PPP2R2A: variants seen among roughly 807,000 people sequenced by gnomAD.
The protein encoded by PPP2R2A is serine/threonine-protein phosphatase 2A 55 kDa regulatory subunit B alpha isoform.
A neutral mutation model predicts 53.2 loss-of-function variants in PPP2R2A; 9 were observed. That is an observed-to-expected ratio of 0.17 (90% CI 0.10 to 0.30). PPP2R2A has a LOEUF of 0.30. Ranked by LOEUF, PPP2R2A falls within the 10% of genes least tolerant of loss-of-function variation. The probability of loss-of-function intolerance (pLI) is 1.00; values close to 1 mark genes in which losing one functional copy is unlikely to be tolerated. For missense variants in PPP2R2A, 235 were observed against 534.6 expected, an observed-to-expected ratio of 0.44 and a Z score of 5.53; for synonymous variants, 169 against 174.2, an observed-to-expected ratio of 0.97 and a Z score of 0.23.
At chr8:26,346,402 A>C (rs1804218726) in intron 3 of PPP2R2A, among the ~76,000 whole-genome samples, 1 of 152,130 alleles carries the variant, frequency 6.6e-6, no homozygotes, top group Admixed American at 6.5e-5. Flanking sequence ...AGGCCTCCCA[A>C]AGTGCTGGGA....
chr8:26,311,645 A>G (rs1802295820), intron 2 of PPP2R2A, among the ~76,000 whole-genome samples: 1 of 152,176 alleles, frequency 6.6e-6, no homozygotes, highest in Non-Finnish European at 1.5e-5. Context: ...CAACCACTGC[A>G]CTCCAGTCTG....
rs1197979538 is a variant in PPP2R2A at position 26,338,547 on chromosome 8, A to T, written c.83-343A>T. 6.6e-6 allele frequency among the ~76,000 whole-genome samples: 1 copy of T among 152,272 alleles called. No individual in the cohort carries two copies. Among genetic ancestry groups the T allele is most frequent in the Non-Finnish European group, 1.5e-5 (1 of 68,052 alleles). On this transcript the variant is annotated intron_variant, in intron 2 of 9. Transcript: ENST00000380737. The surrounding 1 kb of genome is among the most constrained non-coding windows in gnomAD (Gnocchi z 4.5). ...GCATAAACAAGCTTATCAAATGTAT[A>T]TAAGAAAATTAGCAAGATAATGTTT...
chr8:26,351,508 A>G (rs1804512103), intron 3 of PPP2R2A, among the ~76,000 whole-genome samples: 1 of 152,350 alleles, frequency 6.6e-6, no homozygotes, highest in South Asian at 2.1e-4. Context: ...ACACAGATAC[A>G]GACTATTTCC....
At chr8:26,292,661 T>G (rs1265499491) in intron 1 of PPP2R2A, among the ~76,000 whole-genome samples, 1 of 152,158 alleles carries the variant, frequency 6.6e-6, no homozygotes, top group Admixed American at 6.5e-5. Context: ...TAGCAAGGAA[T>G]AGGGGTGATG....
chr8:26,336,989 G>A (rs375775590), intron 2 of PPP2R2A, among the ~76,000 whole-genome samples: 5 of 151,988 alleles, frequency 3.3e-5, no homozygotes, highest in Non-Finnish European at 5.9e-5. Flanking sequence ...TCCTTACTAA[G>A]TGATAGTTGT....
intron 3 of PPP2R2A, among the ~76,000 whole-genome samples, chr8:26,349,453 T>G (rs1440721345): frequency 2.0e-5 from 3 of 152,220 alleles, no homozygotes; most frequent in Non-Finnish European, 4.4e-5. Context: ...GGCATGGCTG[T>G]CCAAACACCT....
rs1283664091 is a variant in PPP2R2A, at chr8:26,338,845, G to C, written c.83-45G>C. 1.5e-6 allele frequency: 2 copies of C among 1,378,762 alleles called. No individual in the cohort carries two copies. Among genetic ancestry groups the C allele is most frequent in the Admixed American group, 1.8e-5 (1 of 54,418 alleles). 85.4% of individuals were successfully genotyped at this position (1,378,762 alleles called of 1,614,324 possible). Reference sequence around the variant, plus strand: ...CTAAGTTCTGAAACTAGTGAGTCGGGAAAGAAAAACTAATATCTTTTTTTG... The same window carrying C: ...CTAAGTTCTGAAACTAGTGAGTCGGCAAAGAAAAACTAATATCTTTTTTTG... On this transcript the variant is annotated intron_variant, in intron 2 of 9. Transcript: ENST00000380737. The surrounding 1 kb of genome is among the most constrained non-coding windows in gnomAD (Gnocchi z 4.5).
At chr8:26,336,750 G>A (rs1803683247) in intron 2 of PPP2R2A, among the ~76,000 whole-genome samples, 2 of 151,976 alleles carry the variant, frequency 1.3e-5, no homozygotes, top group South Asian at 4.2e-4. Context: ...GTATGGTGGT[G>A]CATGCCTGTA....
chr8:26,350,031 CTT>C (rs1354213549), intron 3 of PPP2R2A, among the ~76,000 whole-genome samples: 10 of 151,968 alleles, frequency 6.6e-5, no homozygotes, highest in Non-Finnish European at 1.5e-4. Flanking sequence ...AAATTTAACA[CTT>C]TGTGGGTATG....
At chr8:26,330,578 C>T (rs896898790) in intron 2 of PPP2R2A, among the ~76,000 whole-genome samples, 13 of 152,162 alleles carry the variant, frequency 8.5e-5, no homozygotes, top group African/African-American at 2.9e-4. Context: ...GATCCACCCG[C>T]CTCAGTGCTG....
Position 26,360,487 on chromosome 8 carries a change from A to AC in PPP2R2A, c.459+207dup. On this transcript the variant is annotated intron_variant, in intron 5 of 9. Coordinates refer to ENST00000380737, the MANE Select transcript of PPP2R2A (RefSeq NM_002717.4). This position sits in a 1 kb window ranked among gnomAD's most constrained non-coding sequence, Gnocchi z 4.5. ...CACTTTGGCCAGGGACAGAAGCAGG[A>AC]CTCAAGCACAAGACAGTATTTCACG... 1 of 369,574 alleles carries AC rather than the reference A, an allele frequency of 2.7e-6. No homozygotes were observed. Among genetic ancestry groups the AC allele is most frequent in the Non-Finnish European group, 4.8e-6 (1 of 207,470 alleles). 22.9% of individuals were successfully genotyped at this position (369,574 alleles called of 1,614,324 possible).
rs535825552 is a variant in PPP2R2A at position 26,342,018 on chromosome 8, C to G, written c.180+3031C>G. Among the ~76,000 whole-genome samples the G allele has an allele frequency of 7.2e-5, 11 of 152,250 alleles. No individual in the cohort carries two copies. In the East Asian group the frequency reaches 2.1e-3, roughly 29 times the overall value. On this transcript the variant is annotated intron_variant, in intron 3 of 9. Coordinates refer to ENST00000380737, the MANE Select transcript of PPP2R2A (RefSeq NM_002717.4). ...TCGTAATATAAAGAAACTGAGTAGC[C>G]AATTCAGAGGGTCTTCATTTGGTTT...
chr8:26,334,945 C>T (rs959709994), intron 2 of PPP2R2A, among the ~76,000 whole-genome samples: 4 of 152,144 alleles, frequency 2.6e-5, no homozygotes. Flanking sequence ...GAAATGGTAT[C>T]CCTGTTTGCA....
At chr8:26,297,741 A>G (rs1373055688) in intron 2 of PPP2R2A, among the ~76,000 whole-genome samples, 1 of 152,170 alleles carries the variant, frequency 6.6e-6, no homozygotes, top group Non-Finnish European at 1.5e-5. Flanking sequence ...ACAGAACAGT[A>G]CCCAGCAGAA....
intron 2 of PPP2R2A, among the ~76,000 whole-genome samples, chr8:26,307,032 G>T (rs923923793): frequency 3.2e-4 from 48 of 152,264 alleles, no homozygotes; most frequent in Non-Finnish European, 5.7e-4. Flanking sequence ...GTAGGAAAAT[G>T]TATTCTAGGA....
chr8:26,349,073 G>GTTT (rs1804362088), intron 3 of PPP2R2A, among the ~76,000 whole-genome samples: 1 of 152,114 alleles, frequency 6.6e-6, no homozygotes, highest in South Asian at 2.1e-4. Flanking sequence ...TATAACTTAG[G>GTTT]TGACAAGGTT....
intron 2 of PPP2R2A, among the ~76,000 whole-genome samples, chr8:26,329,341 C>G (rs992511282): frequency 3.3e-5 from 5 of 152,060 alleles, no homozygotes; most frequent in African/African-American, 1.2e-4. Context: ...TATCCCTTCT[C>G]CCTCCCAGCT....
chr8:26,352,350 C>A (rs1804561172), intron 3 of PPP2R2A, among the ~76,000 whole-genome samples: 1 of 152,132 alleles, frequency 6.6e-6, no homozygotes, highest in East Asian at 1.9e-4. Context: ...ACATCCCCTC[C>A]CAAAGTGTTA....
chr8:26,335,378 AAGG>A (rs1413298506), intron 2 of PPP2R2A, among the ~76,000 whole-genome samples: 3 of 152,204 alleles, frequency 2.0e-5, no homozygotes, highest in African/African-American at 7.2e-5. Context: ...TTAAGGGAGA[AAGG>A]AGGAAGGAAC....
Sources: allele counts gnomAD v4.1 joint callset (sites outside exome capture counted in the v4.1 genomes callset), GRCh38; gene constraint gnomAD v4.1.1; non-coding constraint Gnocchi (gnomAD v3.1); transcripts MANE v1.5; gene names NCBI Gene and HGNC (gene_info 2026-07-23, HGNC 2026-07-21).